CAMK2D: variants seen among roughly 807,000 people sequenced by gnomAD.
CAMK2D encodes the protein calcium/calmodulin-dependent protein kinase type II subunit delta.
A neutral mutation model predicts 84.0 loss-of-function variants in CAMK2D; 37 were observed. The ratio of observed to expected loss-of-function variants is 0.44; its 90% CI spans 0.34 to 0.58. The LOEUF (loss-of-function observed/expected upper bound fraction) is 0.58. Ranked by LOEUF, CAMK2D falls within the 20% of genes least tolerant of loss-of-function variation. The pLI is 0.02. For synonymous variants in CAMK2D, 202 were observed against 212.5 expected, an observed-to-expected ratio of 0.95 and a Z score of 0.43; for missense variants, 448 against 652.5, an observed-to-expected ratio of 0.69 and a Z score of 3.41.
Position 113,572,502 on chromosome 4 carries a change from A to G in CAMK2D, c.276-20406T>C, listed in dbSNP as rs569028543. Among the ~76,000 whole-genome samples the G allele has an allele frequency of 1.6e-4, 24 of 152,290 alleles. 1 individual carries two copies. The South Asian group carries it at 5.0e-3, about 32-fold the overall frequency. On this transcript the variant is annotated intron_variant, in intron 4 of 20. Coordinates refer to ENST00000511664, the MANE Select transcript of CAMK2D (RefSeq NM_001321571.2). ...GAACAGACACTTCTCAAAAGAAGAC[A>G]TACATGCAGCCAACAATTATATGAA...
At chr4:113,461,050 G>A (rs1325274191) in intron 17 of CAMK2D, among the ~76,000 whole-genome samples, 3 of 152,042 alleles carry the variant, frequency 2.0e-5, no homozygotes, top group African/African-American at 4.8e-5. Flanking sequence ...TATTACAATT[G>A]ACTTGAAAGA....
At chr4:113,662,551 G>A (rs895694581) in intron 2 of CAMK2D, among the ~76,000 whole-genome samples, 3 of 152,134 alleles carry the variant, frequency 2.0e-5, no homozygotes, top group African/African-American at 7.2e-5. Context: ...GTGTATAGTG[G>A]TCATTAGTTG....
intron 2 of CAMK2D, among the ~76,000 whole-genome samples, chr4:113,666,962 A>G (rs2099259813): frequency 1.3e-5 from 2 of 152,118 alleles, no homozygotes; most frequent in African/African-American, 2.4e-5. Flanking sequence ...AGGGCAGGTT[A>G]ATTTTGCCTC....
intron 2 of CAMK2D, among the ~76,000 whole-genome samples, chr4:113,720,235 A>C (rs893912649): frequency 2.0e-5 from 3 of 152,054 alleles, no homozygotes; most frequent in African/African-American, 7.2e-5. Context: ...CTGTGCCACC[A>C]GTTAAAGGGT....
chr4:113,672,864 G>A (rs998492700), intron 2 of CAMK2D, among the ~76,000 whole-genome samples: 7 of 151,996 alleles, frequency 4.6e-5, no homozygotes, highest in African/African-American at 1.2e-4. Context: ...ATGAAATTGT[G>A]TATCCCATGT....
chr4:113,568,296 C>T (rs1450842391), intron 4 of CAMK2D, among the ~76,000 whole-genome samples: 4 of 152,144 alleles, frequency 2.6e-5, no homozygotes, highest in Non-Finnish European at 2.9e-5. Flanking sequence ...TTTGCCTATT[C>T]TAATTATTTC....
intron 4 of CAMK2D, among the ~76,000 whole-genome samples, chr4:113,605,372 T>A (rs1167507892): frequency 6.6e-6 from 1 of 152,222 alleles, no homozygotes; most frequent in African/African-American, 2.4e-5. Context: ...TAAATATTAA[T>A]ACAAATTATA....
At chr4:113,514,966 T>C in intron 10 of CAMK2D, 103 bp downstream of exon 10, 1 of 1,089,450 alleles carries the variant, frequency 9.2e-7, no homozygotes, top group East Asian at 2.5e-5. Context: ...TCATTCTGAG[T>C]TTCATCTTTT....
chr4:113,694,528 T>C (rs949283551), intron 2 of CAMK2D, among the ~76,000 whole-genome samples: 1 of 152,136 alleles, frequency 6.6e-6, no homozygotes, highest in Non-Finnish European at 1.5e-5. Flanking sequence ...GGGTCACATG[T>C]TCACTAACTT....
chr4:113,465,640 A>C (rs1423726719), intron 16 of CAMK2D, 36 bp from the exon 17 acceptor site: 1 of 1,220,880 alleles, frequency 8.2e-7, no homozygotes, highest in African/African-American at 1.5e-5. Context: ...TAAGAATAAA[A>C]GACAAAAGTC....
intron 2 of CAMK2D, among the ~76,000 whole-genome samples, chr4:113,711,110 A>G (rs1218832634): frequency 6.7e-6 from 1 of 149,792 alleles, no homozygotes; most frequent in Non-Finnish European, 1.5e-5. Flanking sequence ...GAATTTACAA[A>G]AAATATAAAT....
chr4:113,460,348 C>T, intron 17 of CAMK2D, 107 bp from the exon 18 acceptor site: 1 of 732,590 alleles, frequency 1.4e-6, no homozygotes, highest in South Asian at 1.6e-5. Context: ...GAAAGAGCCT[C>T]TAAAAACACT....
chr4:113,629,552 A>T (rs2099081207), intron 3 of CAMK2D, among the ~76,000 whole-genome samples: 2 of 152,088 alleles, frequency 1.3e-5, no homozygotes. Context: ...ACTACATGTA[A>T]TATACTCTGA....
At chr4:113,624,338 A>G (rs1055792354) in intron 3 of CAMK2D, among the ~76,000 whole-genome samples, 2 of 152,220 alleles carry the variant, frequency 1.3e-5, no homozygotes, top group African/African-American at 4.8e-5. Flanking sequence ...GCAAACTTGA[A>G]TCTTTTCAAT....
At chr4:113,558,767 G>T (rs1444317121) in intron 4 of CAMK2D, among the ~76,000 whole-genome samples, 3 of 152,098 alleles carry the variant, frequency 2.0e-5, no homozygotes, top group African/African-American at 7.2e-5. Flanking sequence ...TGCACTTTGG[G>T]AGGCTGAGAT....
chr4:113,520,259 T>A (rs540520585), intron 8 of CAMK2D, among the ~76,000 whole-genome samples: 25 of 151,858 alleles, frequency 1.6e-4, no homozygotes, highest in Admixed American at 2.6e-4. Context: ...TACAAAAAAA[T>A]TAACCGGGCA....
chr4:113,655,530 C>T (rs2099195711), intron 3 of CAMK2D, among the ~76,000 whole-genome samples: 1 of 152,056 alleles, frequency 6.6e-6, no homozygotes, highest in South Asian at 2.1e-4. Context: ...GAAACGCTTA[C>T]CTTATAAAGA....
chr4:113,455,315 C>T (rs377742926), intron 20 of CAMK2D, among the ~76,000 whole-genome samples: 2 of 152,120 alleles, frequency 1.3e-5, no homozygotes, highest in South Asian at 2.1e-4. Context: ...TTTACACATT[C>T]GCCATAGCCA....
At chr4:113,684,951 C>A (rs1294838708) in intron 2 of CAMK2D, among the ~76,000 whole-genome samples, 2 of 152,160 alleles carry the variant, frequency 1.3e-5, no homozygotes, top group Non-Finnish European at 2.9e-5. Context: ...GCCTGCTGCT[C>A]CTCATCTCTC....
Sources: allele counts gnomAD v4.1 joint callset (sites outside exome capture counted in the v4.1 genomes callset), GRCh38; gene constraint gnomAD v4.1.1; transcripts MANE v1.5; gene names NCBI Gene and HGNC (gene_info 2026-07-23, HGNC 2026-07-21).